The following RETREG3 variants were observed in gnomAD, a reference collection of about 807,000 sequenced individuals.
The protein encoded by RETREG3 is reticulophagy regulator family member 3, also known as reticulophagy regulator 3.
In RETREG3, 23 loss-of-function variants were observed where a neutral mutation model predicts 50.2. That is an observed-to-expected ratio of 0.46 (90% CI 0.33 to 0.65). The LOEUF (loss-of-function observed/expected upper bound fraction) is 0.65. Ranked by LOEUF, RETREG3 falls within the 30% of genes least tolerant of loss-of-function variation. RETREG3 has a pLI of 0.02. For synonymous variants in RETREG3, 240 were observed against 234.4 expected (o/e 1.02, Z -0.22); for missense variants, 546 against 598.0 (o/e 0.91, Z 0.91).
chr17:42,586,123 G>A lies in RETREG3; in HGVS notation c.519C>T (p.Ser173=). ...KQNPGKFCLL[S]CGILTFLAVL... The stretch of plus-strand genomic sequence containing the variant: ...CAGCCAAAAAGGTCAGTATCCCACA[G>A]CTCAGCAAGCAGAACTGGGGAATCA... The change falls in exon 5 of 9, where the codon AGC becomes AGT. Residue 173 remains serine, a synonymous_variant. Transcript: ENST00000309428. The A allele has an allele frequency of 6.2e-7, 1 of 1,614,014 alleles. No homozygotes were observed. Among genetic ancestry groups the A allele is most frequent in the Non-Finnish European group, 8.5e-7 (1 of 1,179,984 alleles).
chr17:42,586,939 C>T (rs375573712), intron 3 of RETREG3, 48 bp from the exon 4 acceptor site: 10 of 1,603,612 alleles, frequency 6.2e-6, no homozygotes, highest in African/African-American at 1.3e-5. Context: ...GTTGAGGGTC[C>T]CCCCATCTTG....
chr17:42,601,125 A>T (rs967097840), intron 1 of RETREG3, among the ~76,000 whole-genome samples: 2 of 152,096 alleles, frequency 1.3e-5, no homozygotes, highest in Admixed American at 1.3e-4. Flanking sequence ...AAAAATACAA[A>T]AATTAGCTAG....
intron 6 of RETREG3, 72 bp downstream of exon 6, chr17:42,585,053 A>G: frequency 6.4e-7 from 1 of 1,566,570 alleles, no homozygotes. Context: ...CCCACCCAGT[A>G]TGTCAGACCT....
At chr17:42,599,892 G>C (rs1415900128) in intron 1 of RETREG3, among the ~76,000 whole-genome samples, 1 of 151,932 alleles carries the variant, frequency 6.6e-6, no homozygotes, top group Non-Finnish European at 1.5e-5. Flanking sequence ...TACTCAACAG[G>C]CTGAGGTGGG....
intron 2 of RETREG3, among the ~76,000 whole-genome samples, chr17:42,590,591 G>C (rs2143389668): frequency 6.6e-6 from 1 of 152,076 alleles, no homozygotes; most frequent in East Asian, 1.9e-4. Context: ...AGAATTGCTG[G>C]AGCCCGGAAG....
rs141125973 is a variant in RETREG3 at position 42,581,934 on chromosome 17, G to A, written c.1280C>T (p.Thr427Met). Reference sequence around the variant, plus strand: ...ACTGGGGGACCGGAGGAAGCCTCTCGTTGCTCTCTGGGCAGGTGCTCCAGA... The same window carrying A: ...ACTGGGGGACCGGAGGAAGCCTCTCATTGCTCTCTGGGCAGGTGCTCCAGA... ...GPSGAPAQRATRGFLRSPSSD... is the reference protein window; with the variant it reads ...GPSGAPAQRAMRGFLRSPSSD... The change falls in exon 9 of 9, where the codon ACG becomes ATG. Residue 427 changes from threonine (T) to methionine (M), a missense_variant. Coordinates refer to ENST00000309428, the MANE Select transcript of RETREG3 (RefSeq NM_178126.4). The A allele has an allele frequency of 9.3e-6, 15 of 1,614,018 alleles. No individual in the cohort carries two copies. Among genetic ancestry groups the A allele is most frequent in the African/African-American group, 8.0e-5 (6 of 74,904 alleles).
At chr17:42,603,415 C>G (rs2093161942) in intron 1 of RETREG3, among the ~76,000 whole-genome samples, 1 of 152,088 alleles carries the variant, frequency 6.6e-6, no homozygotes, top group African/African-American at 2.4e-5. Flanking sequence ...TTAATGAGCC[C>G]AAGTCACCGG....
intron 1 of RETREG3, among the ~76,000 whole-genome samples, chr17:42,600,757 C>T (rs968052418): frequency 2.0e-5 from 3 of 152,154 alleles, no homozygotes; most frequent in African/African-American, 7.2e-5. Flanking sequence ...AGTGTGAAGA[C>T]AGGCTATTCT....
At chr17:42,597,960 CTCT>C (rs1432242361) in intron 1 of RETREG3, among the ~76,000 whole-genome samples, 2 of 147,414 alleles carry the variant, frequency 1.4e-5, no homozygotes, top group African/African-American at 5.0e-5. Flanking sequence ...ACAAAGAAAA[CTCT>C]TCTTCCTCTG....
chr17:42,608,215 C>T (rs748569326), intron 1 of RETREG3, among the ~76,000 whole-genome samples: 14 of 152,190 alleles, frequency 9.2e-5, no homozygotes, highest in Non-Finnish European at 1.6e-4. Context: ...GAACCTCCTC[C>T]ATTACAAATA....
Position 42,581,943 on chromosome 17 carries a change from T to G in RETREG3, c.1271A>C (p.Gln424Pro). The part of the protein sequence containing the change: ...SQPGPSGAPA[Q>P]RATRGFLRSP... ...CCGGAGGAAGCCTCTCGTTGCTCTC[T>G]GGGCAGGTGCTCCAGAAGGGCCTGG... Residue 424 changes from glutamine (Q) to proline (P), a missense_variant, in exon 9 of 9, where the codon CAG becomes CCG. Transcript: ENST00000309428. 2 of 1,614,128 alleles carry G rather than the reference T, an allele frequency of 1.2e-6. No individual in the cohort carries two copies. The highest frequency in any genetic ancestry group is 1.7e-6 in the Non-Finnish European group (2 of 1,180,004).
chr17:42,581,819 G>A lies in RETREG3; in HGVS notation c.1395C>T (p.Ser465=). The change falls in exon 9 of 9, where the codon AGC becomes AGT. Residue 465 remains serine, a synonymous_variant. Coordinates refer to ENST00000309428, the MANE Select transcript of RETREG3 (RefSeq NM_178126.4). The part of the protein sequence containing the change: ...LSQLDPASSR[S]H ...CCCAAAAGGAGTCTCTGCCTCAGTG[G>A]CTCCTAGAACTGGCAGGGTCCAGCT... is the stretch of plus-strand genomic sequence containing the variant. The A allele has an allele frequency of 6.4e-7, 1 of 1,569,886 alleles. No individual in the cohort carries two copies. The highest frequency in any genetic ancestry group is 8.6e-7 in the Non-Finnish European group (1 of 1,157,386).
chr17:42,602,758 AT>A (rs1198530130), intron 1 of RETREG3, among the ~76,000 whole-genome samples: 1 of 152,190 alleles, frequency 6.6e-6, no homozygotes, highest in Non-Finnish European at 1.5e-5. Context: ...CCTGGGCAAC[AT>A]GGTGAAACCT....
chr17:42,596,033 T>C (rs1411629128), intron 1 of RETREG3, among the ~76,000 whole-genome samples: 1 of 152,078 alleles, frequency 6.6e-6, no homozygotes. Flanking sequence ...TTGCAGTTGT[T>C]TTTGCCAAGT....
rs141966783 is a variant in RETREG3, at chr17:42,582,138, C to T, written c.1076G>A (p.Arg359His). ...TSIGMPSLMY[R>H]SPPGAEEPQA... Reference sequence around the variant, plus strand: ...GGGCTCCTCAGCCCCTGGCGGAGAACGGTACATCAAGCTGGGCATGCCAAT... The same window carrying T: ...GGGCTCCTCAGCCCCTGGCGGAGAATGGTACATCAAGCTGGGCATGCCAAT... Residue 359 changes from arginine to histidine, a missense_variant, in exon 9 of 9, where the codon CGT becomes CAT. Transcript: ENST00000309428. 4.3e-4 allele frequency: 690 copies of T among 1,613,978 alleles called. 1 individual carries two copies. The highest frequency in any genetic ancestry group is 5.2e-4 in the Non-Finnish European group (611 of 1,180,028).
At chr17:42,607,777 G>T (rs536844222) in intron 1 of RETREG3, among the ~76,000 whole-genome samples, 3 of 151,058 alleles carry the variant, frequency 2.0e-5, no homozygotes, top group South Asian at 4.2e-4. Flanking sequence ...TTGCACTCCA[G>T]CCTGGGCAAT....
chr17:42,593,509 G>A (rs2093137252), intron 1 of RETREG3, among the ~76,000 whole-genome samples: 1 of 151,960 alleles, frequency 6.6e-6, no homozygotes, highest in Non-Finnish European at 1.5e-5. Flanking sequence ...AATTAGCTGG[G>A]CATGGTGGCG....
intron 8 of RETREG3, 144 bp downstream of exon 8, chr17:42,582,530 T>A: frequency 7.7e-7 from 1 of 1,297,932 alleles, no homozygotes; most frequent in Non-Finnish European, 1.1e-6. Flanking sequence ...ATCCTGGCTG[T>A]AGCCACAGCA....
At chr17:42,586,190 G>A (rs2093120937) in intron 4 of RETREG3, 53 bp from the exon 5 acceptor site, 4 of 1,573,830 alleles carry the variant, frequency 2.5e-6, no homozygotes, top group Non-Finnish European at 2.6e-6. Flanking sequence ...GGGGACTGGG[G>A]TGGGTGTGAA....
Sources: allele counts gnomAD v4.1 joint callset (sites outside exome capture counted in the v4.1 genomes callset), GRCh38; gene constraint gnomAD v4.1.1; transcripts MANE v1.5; gene names NCBI Gene and HGNC (gene_info 2026-07-23, HGNC 2026-07-21).